Variants in ANKS1B observed in about 807,000 individuals in gnomAD.
ANKS1B encodes ankyrin repeat and sterile alpha motif domain-containing protein 1B.
ANKS1B carries 36 observed loss-of-function variants against 148.3 expected under a neutral mutation model. The ratio of observed to expected loss-of-function variants is 0.24; its 90% confidence interval spans 0.19 to 0.32. The LOEUF (loss-of-function observed/expected upper bound fraction) is 0.32, where lower values mean the gene tolerates loss of function less well. Among genes scored for constraint, ANKS1B ranks in the 10% least tolerant of loss-of-function variants. The pLI is 1.00. For synonymous variants in ANKS1B, 542 were observed against 560.8 expected, an observed-to-expected ratio of 0.97 and a Z score of 0.47; for missense variants, 1,157 against 1,542.6, an observed-to-expected ratio of 0.75 and a Z score of 4.19.
chr12:98,737,569 C>CTT (rs2097779668), intron 9 of ANKS1B, among the ~76,000 whole-genome samples: 1 of 152,198 alleles, frequency 6.6e-6, no homozygotes, highest in Non-Finnish European at 1.5e-5. Context: ...TCAGTAAACA[C>CTT]TTGTTGGATG....
intron 25 of ANKS1B, among the ~76,000 whole-genome samples, chr12:98,754,822 A>G (rs764351655): frequency 7.2e-5 from 11 of 152,236 alleles, no homozygotes; most frequent in Non-Finnish European, 1.3e-4. Flanking sequence ...TCCTGGTATT[A>G]GGAAACTGCT....
chr12:99,982,193 G>GCTA (rs200382075), intron 1 of ANKS1B, among the ~76,000 whole-genome samples: 2 of 151,668 alleles, frequency 1.3e-5, no homozygotes, highest in Non-Finnish European at 2.9e-5. Context: ...TTGTTGTAGA[G>GCTA]CTACTACTAC....
chr12:99,205,417 A>G (rs2082543235), intron 14 of ANKS1B, among the ~76,000 whole-genome samples: 1 of 152,200 alleles, frequency 6.6e-6, no homozygotes, highest in South Asian at 2.1e-4. Context: ...GCTTATTAAG[A>G]TCTTTATACT....
chr12:99,544,984 A>C (rs1183540937), intron 9 of ANKS1B, among the ~76,000 whole-genome samples: 1 of 152,102 alleles, frequency 6.6e-6, no homozygotes, highest in Non-Finnish European at 1.5e-5. Context: ...ACATTATCTG[A>C]CTGTCTCTTT....
chr12:99,110,584 G>T (rs544437369), intron 15 of ANKS1B, among the ~76,000 whole-genome samples: 1 of 152,256 alleles, frequency 6.6e-6, no homozygotes, highest in East Asian at 1.9e-4. Flanking sequence ...ACTAGGTCGA[G>T]CTTAAAAGCA....
intron 1 of ANKS1B, among the ~76,000 whole-genome samples, chr12:99,958,031 T>C (rs1302352099): frequency 6.6e-6 from 1 of 152,112 alleles, no homozygotes; most frequent in East Asian, 1.9e-4. Flanking sequence ...GTGCTAAAAA[T>C]AGATGCATGT....
chr12:99,251,037 G>C (rs190154751), intron 12 of ANKS1B, among the ~76,000 whole-genome samples: 221 of 152,252 alleles, frequency 1.5e-3, no homozygotes, highest in African/African-American at 5.2e-3. Flanking sequence ...TCACATGGTG[G>C]AGGGAGCAAA....
intron 10 of ANKS1B, among the ~76,000 whole-genome samples, chr12:99,460,412 G>C (rs894990340): frequency 6.6e-6 from 1 of 151,974 alleles, no homozygotes; most frequent in African/African-American, 2.4e-5. Context: ...GAGATAAATA[G>C]ATGGGACTTA....
chr12:99,022,314 C>T (rs944688719), intron 17 of ANKS1B, among the ~76,000 whole-genome samples: 2 of 152,070 alleles, frequency 1.3e-5, no homozygotes, highest in East Asian at 1.9e-4. Context: ...ACAGGTGAGA[C>T]GAGTAATCAT....
At chr12:99,810,328 AT>A (rs1167514350) in intron 3 of ANKS1B, among the ~76,000 whole-genome samples, 1 of 152,024 alleles carries the variant, frequency 6.6e-6, no homozygotes, top group Non-Finnish European at 1.5e-5. Context: ...GCTAATTACC[AT>A]TTTTATTTCC....
At chr12:99,479,038 T>C (rs1012861394) in intron 10 of ANKS1B, among the ~76,000 whole-genome samples, 4 of 152,090 alleles carry the variant, frequency 2.6e-5, no homozygotes, top group African/African-American at 7.2e-5. Context: ...TTGTGTACTA[T>C]GTCTTCATAA....
intron 23 of ANKS1B, 144 bp from the exon 24 acceptor site, chr12:98,781,347 A>C: frequency 1.5e-6 from 1 of 686,074 alleles, no homozygotes; most frequent in Non-Finnish European, 2.7e-6. Context: ...CACACATCAG[A>C]TACACACCAC....
chr12:99,853,075 G>A (rs1419910008), intron 1 of ANKS1B, among the ~76,000 whole-genome samples: 1 of 152,106 alleles, frequency 6.6e-6, no homozygotes, highest in Non-Finnish European at 1.5e-5. Flanking sequence ...CACGCACAAG[G>A]AGTCTGAGCT....
At chr12:99,435,971 T>A (rs944487269) in intron 11 of ANKS1B, among the ~76,000 whole-genome samples, 9 of 151,890 alleles carry the variant, frequency 5.9e-5, no homozygotes, top group African/African-American at 2.2e-4. Flanking sequence ...TTCTTTCTCA[T>A]TTTTTTTCCT....
chr12:99,283,998 T>A (rs185736464), intron 12 of ANKS1B, among the ~76,000 whole-genome samples: 3 of 152,274 alleles, frequency 2.0e-5, no homozygotes, highest in Admixed American at 2.0e-4. Context: ...TTAACAAGAC[T>A]CCTCCTAAAT....
chr12:99,785,194 T>A (rs1023419934), intron 4 of ANKS1B, among the ~76,000 whole-genome samples: 5 of 145,226 alleles, frequency 3.4e-5, no homozygotes, highest in African/African-American at 1.3e-4. Flanking sequence ...ATGTTAGTTG[T>A]CTCTTTTTTT....
At chr12:98,815,374 C>G (rs75432971) in intron 19 of ANKS1B, among the ~76,000 whole-genome samples, 2,529 of 152,286 alleles carry the variant, frequency 0.017, 30 homozygotes, top group Non-Finnish European at 0.025. Context: ...CTTGATCACT[C>G]CTCCATTCCT....
At chr12:98,878,871 G>A (rs1432611822) in intron 17 of ANKS1B, among the ~76,000 whole-genome samples, 3 of 152,056 alleles carry the variant, frequency 2.0e-5, no homozygotes, top group Non-Finnish European at 4.4e-5. Context: ...CATACAAAGC[G>A]GGTTTCAAAA....
intron 12 of ANKS1B, among the ~76,000 whole-genome samples, chr12:99,308,233 C>T (rs2082627028): frequency 6.6e-6 from 1 of 151,994 alleles, no homozygotes; most frequent in African/African-American, 2.4e-5. Context: ...AGAATTAAGA[C>T]ATAACATATC....
Sources: allele counts gnomAD v4.1 joint callset (sites outside exome capture counted in the v4.1 genomes callset), GRCh38; gene constraint gnomAD v4.1.1; transcripts MANE v1.5; gene names NCBI Gene and HGNC (gene_info 2026-07-23, HGNC 2026-07-21).